Variants in OPCML observed in about 807,000 individuals in gnomAD.
OPCML encodes the protein opioid-binding protein/cell adhesion molecule.
Under a neutral mutation model 37.8 loss-of-function variants are expected in OPCML, and 13 were observed. The ratio of observed to expected loss-of-function variants is 0.34; its 90% confidence interval spans 0.22 to 0.55. OPCML has a LOEUF of 0.55. Ranked by LOEUF, OPCML falls within the 20% of genes least tolerant of loss-of-function variation. The probability of loss-of-function intolerance (pLI) is 0.91; values close to 1 mark genes in which losing one functional copy is unlikely to be tolerated. For missense variants in OPCML, 341 were observed against 435.6 expected (o/e 0.78, Z 1.93); for synonymous variants, 176 against 168.8 (o/e 1.04, Z -0.33).
chr11:132,855,009 A>G (rs1273945711), intron 2 of OPCML, among the ~76,000 whole-genome samples: 2 of 152,192 alleles, frequency 1.3e-5, no homozygotes, highest in African/African-American at 4.8e-5. Context: ...TTGCCCAGGG[A>G]CCAAAGCCGC....
chr11:133,175,592 T>C (rs775146406), intron 1 of OPCML, among the ~76,000 whole-genome samples: 1 of 151,064 alleles, frequency 6.6e-6, no homozygotes. Flanking sequence ...TTAGGAAACT[T>C]GAAATTGAAA....
intron 1 of OPCML, among the ~76,000 whole-genome samples, chr11:133,082,160 G>T (rs557356389): frequency 6.6e-6 from 1 of 151,802 alleles, no homozygotes; most frequent in Non-Finnish European, 1.5e-5. Context: ...GACAAGCCCG[G>T]GCCTGGGCCT....
At chr11:132,434,931 A>T (rs73033730) in intron 7 of OPCML, among the ~76,000 whole-genome samples, 3,873 of 152,138 alleles carry the variant, frequency 0.025, 82 homozygotes, top group Non-Finnish European at 0.034. Context: ...GGGGGCAAAA[A>T]CCCCTTCCCC....
intron 1 of OPCML, among the ~76,000 whole-genome samples, chr11:133,454,234 T>C (rs887968259): frequency 6.6e-6 from 1 of 152,224 alleles, no homozygotes; most frequent in Non-Finnish European, 1.5e-5. Flanking sequence ...AAAATTCATA[T>C]AAACCTATTG....
intron 3 of OPCML, among the ~76,000 whole-genome samples, chr11:132,616,890 A>T (rs1263278826): frequency 1.3e-5 from 2 of 152,222 alleles, no homozygotes; most frequent in Non-Finnish European, 2.9e-5. Context: ...AGCACCTAAG[A>T]TGTGCAATGT....
At chr11:132,481,754 G>T (rs1036740152) in intron 4 of OPCML, among the ~76,000 whole-genome samples, 1 of 149,792 alleles carries the variant, frequency 6.7e-6, no homozygotes, top group Non-Finnish European at 1.5e-5. Context: ...TAGAACTCAG[G>T]ATTAAGAATC....
At chr11:132,686,296 C>T (rs191820047) in intron 2 of OPCML, among the ~76,000 whole-genome samples, 61 of 152,274 alleles carry the variant, frequency 4.0e-4, no homozygotes, top group African/African-American at 1.0e-3. Flanking sequence ...TGCCTTGCCT[C>T]GGAAAATGGA....
At chr11:132,833,433 T>G (rs572229389) in intron 2 of OPCML, among the ~76,000 whole-genome samples, 1 of 152,332 alleles carries the variant, frequency 6.6e-6, no homozygotes, top group East Asian at 1.9e-4. Flanking sequence ...TCATCTCCGG[T>G]GCTAACAATG....
intron 1 of OPCML, among the ~76,000 whole-genome samples, chr11:133,264,408 G>A (rs1479368734): frequency 1.3e-5 from 2 of 152,204 alleles, no homozygotes. Context: ...ATTCTCAAGA[G>A]GGAAGTGTTC....
chr11:132,744,787 C>A (rs1945557565), intron 2 of OPCML, among the ~76,000 whole-genome samples: 1 of 152,112 alleles, frequency 6.6e-6, no homozygotes, highest in Admixed American at 6.5e-5. Context: ...GAGGGGACAC[C>A]CAAAATATAA....
intron 1 of OPCML, among the ~76,000 whole-genome samples, chr11:133,372,243 C>T (rs776377152): frequency 1.1e-4 from 16 of 152,200 alleles, no homozygotes; most frequent in African/African-American, 3.9e-4. Context: ...CATACCCTGA[C>T]TTGATCATTA....
intron 2 of OPCML, among the ~76,000 whole-genome samples, chr11:132,883,538 G>A (rs1007890194): frequency 1.3e-4 from 20 of 152,128 alleles, no homozygotes; most frequent in African/African-American, 4.8e-4. Context: ...GGTATTCAAG[G>A]CATTTGGAAG....
intron 3 of OPCML, among the ~76,000 whole-genome samples, chr11:132,623,628 T>A (rs745504140): frequency 6.6e-6 from 1 of 152,154 alleles, no homozygotes; most frequent in South Asian, 2.1e-4. Context: ...CTGGGTATCA[T>A]ATATCATCCG....
intron 1 of OPCML, among the ~76,000 whole-genome samples, chr11:132,968,851 A>G (rs1211567575): frequency 6.6e-6 from 1 of 152,094 alleles, no homozygotes; most frequent in African/African-American, 2.4e-5. Context: ...CTCCTTCCCT[A>G]TTAATATGCT....
At chr11:133,349,869 T>G (rs1217017342) in intron 1 of OPCML, among the ~76,000 whole-genome samples, 2 of 152,244 alleles carry the variant, frequency 1.3e-5, no homozygotes, top group Non-Finnish European at 2.9e-5. Flanking sequence ...GAGCAATTTT[T>G]CTACATGAAA....
At chr11:133,117,101 C>A (rs1320760492) in intron 1 of OPCML, among the ~76,000 whole-genome samples, 3 of 152,074 alleles carry the variant, frequency 2.0e-5, no homozygotes, top group Non-Finnish European at 2.9e-5. Flanking sequence ...CTGTTAAAAA[C>A]CATTTAAAAA....
intron 1 of OPCML, among the ~76,000 whole-genome samples, chr11:133,475,263 C>T (rs556002350): frequency 1.3e-3 from 191 of 151,468 alleles, no homozygotes; most frequent in African/African-American, 4.5e-3. Context: ...CCTAGCATCA[C>T]GTCCAAGACA....
chr11:132,733,377 C>T lies in OPCML; in HGVS notation c.147-76058G>A, dbSNP rs148573338. Among the ~76,000 whole-genome samples the T allele has an allele frequency of 3.7e-3, 560 of 152,164 alleles. 2 individuals are homozygous for T. The highest frequency in any genetic ancestry group is 5.4e-3 in the Non-Finnish European group (367 of 68,016). ...GATTAAAAGAACAAGCAGAAGATTT[C>T]CGCTTGTCTGCTAAGAGGCACATAA... is the stretch of plus-strand genomic sequence containing the variant. On this transcript the variant is annotated intron_variant, in intron 2 of 7. Transcript: ENST00000524381.
chr11:133,264,920 T>C (rs1215798660), intron 1 of OPCML, among the ~76,000 whole-genome samples: 1 of 152,226 alleles, frequency 6.6e-6, no homozygotes, highest in Non-Finnish European at 1.5e-5. Flanking sequence ...AGAGTTCTTC[T>C]ACCACCTTTA....
Sources: allele counts gnomAD v4.1 joint callset (sites outside exome capture counted in the v4.1 genomes callset), GRCh38; gene constraint gnomAD v4.1.1; transcripts MANE v1.5; gene names NCBI Gene and HGNC (gene_info 2026-07-23, HGNC 2026-07-21).